Variants in ASCC3 observed in about 807,000 individuals in gnomAD.
ASCC3 encodes the protein activating signal cointegrator 1 complex subunit 3.
Under a neutral mutation model 256.3 loss-of-function variants are expected in ASCC3, and 158 were observed. That is an observed-to-expected ratio of 0.62 (90% CI 0.54 to 0.70). The LOEUF is 0.70. Among genes scored for constraint, ASCC3 ranks in the 30% least tolerant of loss-of-function variants. ASCC3 has a pLI of 0.00. For missense variants in ASCC3, 2,259 were observed against 2,626.0 expected (o/e 0.86, Z 3.05); for synonymous variants, 948 against 883.4 (o/e 1.07, Z -1.30).
chr6:100,860,632 T>A (rs1054698371), intron 3 of ASCC3, among the ~76,000 whole-genome samples: 1 of 152,052 alleles, frequency 6.6e-6, no homozygotes, highest in Non-Finnish European at 1.5e-5. Flanking sequence ...ATTCCTGTAA[T>A]ACCTGTTTCA....
intron 4 of ASCC3, among the ~76,000 whole-genome samples, chr6:100,837,664 G>C (rs73506930): frequency 0.037 from 5,571 of 152,126 alleles, 192 homozygotes; most frequent in African/African-American, 0.086. Flanking sequence ...TCACTCACAT[G>C]TGGAATCTAA....
At chr6:100,764,322 G>C (rs995707859) in intron 10 of ASCC3, among the ~76,000 whole-genome samples, 1 of 152,118 alleles carries the variant, frequency 6.6e-6, no homozygotes, top group African/African-American at 2.4e-5. Context: ...TAAAGAATGG[G>C]CAAGATTTGG....
Position 100,679,735 on chromosome 6 carries a change from A to T in ASCC3, c.2169T>A (p.His723Gln). Reference sequence around the variant, plus strand: ...CTGTTCTTACAGTGGCATTTCGAGCATGTACAAACACCATCACCTGAAAAA... The same window carrying T: ...CTGTTCTTACAGTGGCATTTCGAGCTTGTACAAACACCATCACCTGAAAAA... ...KAGHQVMVFVHARNATVRTAM... is the reference protein window; with the variant it reads ...KAGHQVMVFVQARNATVRTAM... Residue 723 changes from histidine (H) to glutamine (Q), a missense_variant, in exon 14 of 42, where the codon CAT becomes CAA. His to Gln is a conservative substitution (Grantham distance 24). This residue lies in a region of ASCC3 where 1,839 missense variants were observed against 2,206.7 expected (regional missense o/e 0.83). Transcript: ENST00000369162. 3 of 1,613,692 alleles carry T rather than the reference A, an allele frequency of 1.9e-6. No individual in the cohort carries two copies. The highest frequency in any genetic ancestry group is 2.5e-6 in the Non-Finnish European group (3 of 1,179,714).
intron 3 of ASCC3, chr6:100,858,961 T>C: frequency 1.6e-6 from 1 of 641,498 alleles, no homozygotes; most frequent in Admixed American, 2.5e-5. Context: ...TCATACCTTT[T>C]TAAATGACAT....
intron 32 of ASCC3, 75 bp from the exon 33 acceptor site, chr6:100,605,775 C>T (rs2114804564): frequency 6.8e-7 from 1 of 1,466,552 alleles, no homozygotes; most frequent in Non-Finnish European, 9.5e-7. Flanking sequence ...TTATGGCATG[C>T]TTCTATAATC....
intron 10 of ASCC3, among the ~76,000 whole-genome samples, chr6:100,730,134 G>T (rs576803322): frequency 3.3e-5 from 5 of 150,964 alleles, no homozygotes; most frequent in African/African-American, 1.2e-4. Flanking sequence ...GTGAGACCTC[G>T]CCTCCAGAAA....
chr6:100,880,393 T>C (rs769623541), intron 1 of ASCC3, among the ~76,000 whole-genome samples: 4 of 152,226 alleles, frequency 2.6e-5, no homozygotes, highest in African/African-American at 4.8e-5. Context: ...TGAGTTTGAA[T>C]GCACAAGTGA....
At chr6:100,561,031 C>G (rs1769916537) in intron 36 of ASCC3, among the ~76,000 whole-genome samples, 1 of 151,458 alleles carries the variant, frequency 6.6e-6, no homozygotes, top group South Asian at 2.1e-4. Flanking sequence ...TCAAATATAG[C>G]AACCAACCAC....
At chr6:100,702,703 A>T (rs1026740073) in intron 13 of ASCC3, among the ~76,000 whole-genome samples, 1 of 152,190 alleles carries the variant, frequency 6.6e-6, no homozygotes, top group Non-Finnish European at 1.5e-5. Context: ...TGTCAAAAAG[A>T]GTAAGGAGAT....
At chr6:100,580,917 A>G (rs1201865657) in intron 36 of ASCC3, among the ~76,000 whole-genome samples, 1 of 151,890 alleles carries the variant, frequency 6.6e-6, no homozygotes, top group Non-Finnish European at 1.5e-5. Flanking sequence ...TGAACTCATC[A>G]TTTTTATGGC....
chr6:100,799,282 C>T lies in ASCC3; in HGVS notation c.1269+149G>A, dbSNP rs541063989. On this transcript the variant is annotated intron_variant, in intron 7 of 41. Transcript: ENST00000369162. ...TACTATATGTCAGGAGCTTTACATACACCACATTATGTCATTTTCCCCAAT... is the reference window on the plus strand; with the variant it reads ...TACTATATGTCAGGAGCTTTACATATACCACATTATGTCATTTTCCCCAAT... 1.8e-5 allele frequency: 15 copies of T among 838,476 alleles called. 1 individual carries two copies. The highest frequency in any genetic ancestry group is 1.6e-4 in the South Asian group (10 of 61,798). The allele number at this position is 838,476 out of a possible 1,614,324, so 51.9% of individuals were successfully genotyped here. A position where few individuals can be genotyped will look rare whatever the true frequency, so the allele number is the denominator to read the frequency against.
intron 36 of ASCC3, among the ~76,000 whole-genome samples, chr6:100,582,201 A>G (rs1187580257): frequency 2.0e-5 from 3 of 152,056 alleles, no homozygotes; most frequent in South Asian, 4.2e-4. Flanking sequence ...CATGATATTG[A>G]TTCTTCCTAC....
intron 25 of ASCC3, among the ~76,000 whole-genome samples, chr6:100,634,175 A>G (rs2114873371): frequency 6.6e-6 from 1 of 152,224 alleles, no homozygotes; most frequent in East Asian, 1.9e-4. Flanking sequence ...GTTTTGATAC[A>G]TATAATGTAT....
intron 37 of ASCC3, among the ~76,000 whole-genome samples, chr6:100,519,728 C>T (rs973771192): frequency 6.6e-6 from 1 of 151,996 alleles, no homozygotes; most frequent in African/African-American, 2.4e-5. Flanking sequence ...AGACCAAAAG[C>T]TCACATACTA....
At chr6:100,577,238 T>G (rs1424661780) in intron 36 of ASCC3, among the ~76,000 whole-genome samples, 1 of 152,060 alleles carries the variant, frequency 6.6e-6, no homozygotes, top group Non-Finnish European at 1.5e-5. Context: ...ATCCCATCTC[T>G]TTTTGAATCT....
chr6:100,654,837 G>T (rs1021938621), intron 17 of ASCC3, among the ~76,000 whole-genome samples: 2 of 150,812 alleles, frequency 1.3e-5, no homozygotes, highest in African/African-American at 4.9e-5. Flanking sequence ...ATTTTCCCAT[G>T]GTAAAATCTA....
chr6:100,658,476 A>G (rs1776029544), intron 16 of ASCC3, among the ~76,000 whole-genome samples: 1 of 151,460 alleles, frequency 6.6e-6, no homozygotes, highest in Non-Finnish European at 1.5e-5. Context: ...TAAGCTAGTA[A>G]ATATATATAA....
At chr6:100,546,305 T>G (rs1775715009) in intron 36 of ASCC3, among the ~76,000 whole-genome samples, 1 of 152,154 alleles carries the variant, frequency 6.6e-6, no homozygotes, top group African/African-American at 2.4e-5. Context: ...GATCTACAGA[T>G]TTAATACAAT....
intron 37 of ASCC3, among the ~76,000 whole-genome samples, chr6:100,520,686 T>C (rs1774260851): frequency 6.6e-6 from 1 of 152,188 alleles, no homozygotes; most frequent in South Asian, 2.1e-4. Context: ...TAAATATGTA[T>C]AGATACATGA....
Sources: gnomAD v4.1 joint callset for allele counts (sites outside exome capture counted in the v4.1 genomes callset) on GRCh38, gnomAD v4.1.1 for gene constraint, gnomAD v4.1.1 regional missense constraint, MANE v1.5 for transcripts, NCBI Gene and HGNC (gene_info 2026-07-23, HGNC 2026-07-21) for gene names.